Variants in PIP5K1C observed in about 807,000 individuals in gnomAD.
The protein encoded by PIP5K1C is phosphatidylinositol-4-phosphate 5-kinase type 1 gamma, also known as phosphatidylinositol 4-phosphate 5-kinase type-1 gamma.
In PIP5K1C, 45 loss-of-function variants were observed where a neutral mutation model predicts 80.1. That is an observed-to-expected ratio of 0.56 (90% confidence interval 0.44 to 0.72). The LOEUF (loss-of-function observed/expected upper bound fraction) is 0.72, where lower values mean the gene tolerates loss of function less well. PIP5K1C is among the 30% of genes least tolerant of loss of function. PIP5K1C has a pLI of 0.00. For missense variants in PIP5K1C, 753 were observed against 954.6 expected, an observed-to-expected ratio of 0.79 and a Z score of 2.78; for synonymous variants, 498 against 420.1, an observed-to-expected ratio of 1.19 and a Z score of -2.27.
chr19:3,691,213 T>C (rs1022723773), intron 1 of PIP5K1C, among the ~76,000 whole-genome samples: 1 of 152,170 alleles, frequency 6.6e-6, no homozygotes, highest in South Asian at 2.1e-4. Context: ...CTTGCACCCA[T>C]ATGGCTGCTG....
Position 3,648,639 on chromosome 19 carries a change from G to A in PIP5K1C, c.1197C>T (p.Ile399=), listed in dbSNP as rs1193783017. Reference sequence around the variant, plus strand: ...CGGGCACCCACCTGTAGGACTGCAGGATGTCGATGATGCCAATGTGCAGCA... The same window carrying A: ...CGGGCACCCACCTGTAGGACTGCAGAATGTCGATGATGCCAATGTGCAGCA... The part of the protein sequence containing the change: ...RLLLHIGIID[I]LQSYRFIKKL... The change falls in exon 9 of 18, where the codon ATC becomes ATT. Residue 399 remains isoleucine (I), a synonymous_variant. Transcript: ENST00000335312. This position sits in a 1 kb window ranked among gnomAD's most constrained non-coding sequence, Gnocchi z 4.3. The A allele has an allele frequency of 1.9e-6, 3 of 1,612,990 alleles. No homozygotes were observed. Among genetic ancestry groups the A allele is most frequent in the Admixed American group, 1.7e-5 (1 of 60,022 alleles).
intron 1 of PIP5K1C, among the ~76,000 whole-genome samples, chr19:3,697,310 A>ACCGAG (rs1018664539): frequency 6.7e-6 from 1 of 149,318 alleles, no homozygotes. Flanking sequence ...ATGGAGGAGG[A>ACCGAG]CTGGGCCGGA....
intron 1 of PIP5K1C, among the ~76,000 whole-genome samples, chr19:3,699,401 A>C (rs1242621268): frequency 6.6e-6 from 1 of 152,086 alleles, no homozygotes; most frequent in Non-Finnish European, 1.5e-5. Context: ...ACTCCCAGGC[A>C]GCACGCATCG....
chr19:3,633,572 G>A, intron 16 of PIP5K1C, 52 bp from the exon 17 acceptor site: 1 of 1,268,746 alleles, frequency 7.9e-7, no homozygotes, highest in Non-Finnish European at 1.0e-6. Context: ...GGTGCGAGGA[G>A]GTGCAAGAGA....
intron 1 of PIP5K1C, among the ~76,000 whole-genome samples, chr19:3,698,306 G>C (rs903045116): frequency 3.3e-5 from 5 of 152,248 alleles, no homozygotes; most frequent in Admixed American, 2.6e-4. Flanking sequence ...CCACTTCACA[G>C]ACGGGACGCT....
rs974872310 is a variant in PIP5K1C, at chr19:3,643,379, G to A, written c.1513C>T (p.Arg505Trp). Residue 505 changes from arginine (R) to tryptophan (W), a missense_variant and splice_region_variant, in exon 13 of 18, where the codon CGG (arginine) becomes TGG (tryptophan). By Grantham distance (101) the Arg-to-Trp change is moderately radical. Coordinates refer to ENST00000335312, the MANE Select transcript of PIP5K1C (RefSeq NM_012398.3). The part of the protein sequence containing the change: ...RSYPTLEDEG[R>W]PDLLPCTPPS... ...GGCGTGCAGGGCAGGAGGTCGGGCC[G>A]GCCTGAGGGGAGAGGACTGTGGGCA... 6.2e-7 allele frequency: 1 copy of A among 1,613,314 alleles called. No homozygotes were observed. Among genetic ancestry groups the A allele is most frequent in the Non-Finnish European group, 8.5e-7 (1 of 1,179,900 alleles).
chr19:3,643,994 T>C (rs1463450954), intron 12 of PIP5K1C, 93 bp downstream of exon 12: 5 of 1,437,902 alleles, frequency 3.5e-6, no homozygotes, highest in Non-Finnish European at 3.8e-6. Context: ...GGCTGAGCGA[T>C]GGGCACTCAG....
At chr19:3,663,160 C>G (rs2034893314) in intron 3 of PIP5K1C, among the ~76,000 whole-genome samples, 1 of 152,156 alleles carries the variant, frequency 6.6e-6, no homozygotes, top group South Asian at 2.1e-4. Context: ...GCCTCCGCGC[C>G]CGGCCGGCTG....
intron 16 of PIP5K1C, chr19:3,636,956 T>C: frequency 9.9e-7 from 1 of 1,014,928 alleles, no homozygotes; most frequent in Non-Finnish European, 1.2e-6. Context: ...CCTTGAGAGC[T>C]TGGGGATCTG....
intron 6 of PIP5K1C, among the ~76,000 whole-genome samples, chr19:3,655,828 G>A (rs896589372): frequency 1.3e-5 from 2 of 152,166 alleles, no homozygotes; most frequent in African/African-American, 2.4e-5. Flanking sequence ...GGCGAGTACC[G>A]GAATCCCAGG....
chr19:3,643,167 G>T (rs2034049243), intron 13 of PIP5K1C, 76 bp downstream of exon 13: 1 of 1,595,814 alleles, frequency 6.3e-7, no homozygotes, highest in Non-Finnish European at 8.5e-7. Context: ...CGGATGCCCC[G>T]CCCACATGCA....
At chr19:3,651,588 A>G (rs1568325003) in intron 8 of PIP5K1C, among the ~76,000 whole-genome samples, 1 of 152,160 alleles carries the variant, frequency 6.6e-6, no homozygotes, top group African/African-American at 2.4e-5. Flanking sequence ...TCACGGGTGA[A>G]TGGGAAACGC....
rs555475300 is a variant in PIP5K1C, at chr19:3,693,543, C to T, written c.94+6754G>A. 6.6e-5 allele frequency among the ~76,000 whole-genome samples: 10 copies of T among 152,342 alleles called. No individual in the cohort carries two copies. In the South Asian group the frequency reaches 2.1e-3, roughly 32 times the overall value. ...CAGGGTCTTGACCGGCCTGGTCCTG[C>T]GTGAAGGGACATGCTGCCGGGGCCA... On this transcript the variant is annotated intron_variant, in intron 1 of 17. Coordinates refer to ENST00000335312, the MANE Select transcript of PIP5K1C (RefSeq NM_012398.3).
At position 3,664,848 on chromosome 19, in the gene PIP5K1C, C is replaced by T. The variant is rs1465597051; in HGVS notation, c.193G>A (p.Ala65Thr). Residue 65 changes from alanine (A) to threonine (T), a missense_variant, in exon 3 of 18, where the codon GCA becomes ACA. This residue lies in a region of PIP5K1C where 139 missense variants were observed against 289.7 expected (regional missense o/e 0.48). Coordinates refer to ENST00000335312, the MANE Select transcript of PIP5K1C (RefSeq NM_012398.3). ...GKKLGHRGVDASGETTYKKTT... is the reference protein window; with the variant it reads ...GKKLGHRGVDTSGETTYKKTT... ...TTCTTGTAGGTGGTTTCGCCGGATG[C>T]GTCCACACCTCGATGGCCCAACTTC... is the stretch of plus-strand genomic sequence containing the variant. 9 of 1,613,058 alleles carry T rather than the reference C, an allele frequency of 5.6e-6. No individual in the cohort carries two copies. The highest frequency in any genetic ancestry group is 2.2e-5 in the East Asian group (1 of 44,892).
rs1224313171 is a variant in PIP5K1C, at chr19:3,631,043, C to CT, written c.*2123dup. On this transcript the variant is annotated 3_prime_UTR_variant, in exon 18 of 18. Transcript: ENST00000335312. The stretch of plus-strand genomic sequence containing the variant: ...ACACCAAGTATATCTCCAAAAGGGC[C>CT]TTGGAGACAACACAAGAATGGAAAT... 4 of 152,284 alleles carry CT rather than the reference C, an allele frequency of 2.6e-5. No individual in the cohort carries two copies. The highest frequency in any genetic ancestry group is 2.0e-4 in the Admixed American group (3 of 15,282). 9.4% of individuals were successfully genotyped at this position (152,284 alleles called of 1,614,324 possible).
At position 3,644,219 on chromosome 19, in the gene PIP5K1C, C is replaced by T. The variant is rs141550581; in HGVS notation, c.1378G>A (p.Gly460Ser). The T allele has an allele frequency of 9.3e-4, 1,507 of 1,612,464 alleles. 11 individuals carry two copies. In the African/African-American group the frequency reaches 0.017, roughly 18 times the overall value. Residue 460 changes from glycine to serine, a missense_variant, in exon 12 of 18, where the codon GGC (glycine) becomes AGC (serine). This residue lies in a region of PIP5K1C where 114 missense variants were observed against 152.4 expected (regional missense o/e 0.75). Coordinates refer to ENST00000335312, the MANE Select transcript of PIP5K1C (RefSeq NM_012398.3). ...LKSSPSKKGR[G>S]GALLAVKPLG... ...GGTTTCACAGCTAGCAAGGCTCCGC[C>T]GCGCCCCTTCTTGGAGGGCGAGGAC...
At chr19:3,656,051 T>C (rs2034617549) in intron 6 of PIP5K1C, among the ~76,000 whole-genome samples, 1 of 152,174 alleles carries the variant, frequency 6.6e-6, no homozygotes, top group Non-Finnish European at 1.5e-5. Flanking sequence ...CCCTTGGGCC[T>C]CCGTGGCAGC....
At chr19:3,645,689 C>A (rs2034184351) in intron 11 of PIP5K1C, among the ~76,000 whole-genome samples, 2 of 152,388 alleles carry the variant, frequency 1.3e-5, no homozygotes, top group South Asian at 4.1e-4. Context: ...AATGGGGAAA[C>A]CAAGGCACAG....
At chr19:3,645,720 CCA>C (rs1226599849) in intron 11 of PIP5K1C, among the ~76,000 whole-genome samples, 1 of 152,266 alleles carries the variant, frequency 6.6e-6, no homozygotes, top group Non-Finnish European at 1.5e-5. Context: ...CTGCTCAAGG[CCA>C]CATGGGCAGG....
Sources: allele counts gnomAD v4.1 joint callset (sites outside exome capture counted in the v4.1 genomes callset), GRCh38; gene constraint gnomAD v4.1.1; regional missense constraint gnomAD v4.1.1; non-coding constraint Gnocchi (gnomAD v3.1); transcripts MANE v1.5; gene names NCBI Gene and HGNC (gene_info 2026-07-23, HGNC 2026-07-21).